The following KIRREL3 variants were observed in gnomAD, a reference collection of about 807,000 sequenced individuals.
KIRREL3 encodes kirre like nephrin family adhesion molecule 3.
Under a neutral mutation model 89.7 loss-of-function variants are expected in KIRREL3, and 36 were observed. The ratio of observed to expected loss-of-function variants is 0.40; its 90% CI spans 0.31 to 0.53. KIRREL3 has a LOEUF of 0.53. Among genes scored for constraint, KIRREL3 ranks in the 20% least tolerant of loss-of-function variants. The pLI is 0.49. For missense variants in KIRREL3, 864 were observed against 1,056.6 expected (o/e 0.82, Z 2.53); for synonymous variants, 445 against 441.4 (o/e 1.01, Z -0.10).
intron 1 of KIRREL3, among the ~76,000 whole-genome samples, chr11:126,841,974 T>A (rs970836328): frequency 6.6e-6 from 1 of 152,202 alleles, no homozygotes; most frequent in Admixed American, 6.5e-5. Flanking sequence ...CCCGTTTTTT[T>A]CTCCAGCTCT....
intron 1 of KIRREL3, among the ~76,000 whole-genome samples, chr11:126,720,330 C>G (rs777115978): frequency 2.0e-5 from 3 of 152,192 alleles, no homozygotes; most frequent in Non-Finnish European, 2.9e-5. Context: ...CCCACCAGCC[C>G]TCACGGCAGT....
chr11:126,642,158 T>C lies in KIRREL3; in HGVS notation c.56-79246A>G, dbSNP rs2134933989. 6.6e-6 allele frequency among the ~76,000 whole-genome samples: 1 copy of C among 152,304 alleles called. No homozygotes were observed. The highest frequency in any genetic ancestry group is 6.5e-5 in the Admixed American group (1 of 15,298). ...ATGGGAGGGGAGGGACCTCCAACAA[T>C]CTTGTTAGTGCATCAAGTAATAGAT... On this transcript the variant is annotated intron_variant, in intron 1 of 16. Transcript: ENST00000525144. The surrounding 1 kb of genome is among the most constrained non-coding windows in gnomAD (Gnocchi z 4.9).
At chr11:126,582,119 G>A (rs974965094) in intron 1 of KIRREL3, among the ~76,000 whole-genome samples, 3 of 152,184 alleles carry the variant, frequency 2.0e-5, no homozygotes, top group Admixed American at 1.3e-4. Context: ...GGTTTTGCCT[G>A]TGTGATTCCT....
At chr11:126,545,196 A>G (rs1209935018) in intron 2 of KIRREL3, among the ~76,000 whole-genome samples, 1 of 152,200 alleles carries the variant, frequency 6.6e-6, no homozygotes, top group Non-Finnish European at 1.5e-5. Context: ...TCTCGGGAGA[A>G]GGAATGAGCC....
rs1565650395 is a variant in KIRREL3, at chr11:126,687,262, T to C, written c.56-124350A>G. ...CACCTGGCTTTCTTGCCTAAGCAAA[T>C]TCAGAGTCACCCTAACTTGGGTCAT... is the stretch of plus-strand genomic sequence containing the variant. On this transcript the variant is annotated intron_variant, in intron 1 of 16. Coordinates refer to ENST00000525144, the MANE Select transcript of KIRREL3 (RefSeq NM_032531.4). The surrounding 1 kb of genome is among the most constrained non-coding windows in gnomAD (Gnocchi z 4.6). Among the ~76,000 whole-genome samples, 2 of 152,304 alleles carry C rather than the reference T, an allele frequency of 1.3e-5. No individual in the cohort carries two copies. Among genetic ancestry groups the C allele is most frequent in the East Asian group, 3.9e-4 (2 of 5,190 alleles).
At position 126,527,767 on chromosome 11, in the gene KIRREL3, T is replaced by G. The variant is rs7119175; in HGVS notation, c.134-1080A>C. Among the ~76,000 whole-genome samples, 4,055 of 152,136 alleles carry G rather than the reference T, an allele frequency of 0.027. 181 individuals carry two copies. Among genetic ancestry groups the G allele is most frequent in the African/African-American group, 0.09 (3,735 of 41,466 alleles). The stretch of plus-strand genomic sequence containing the variant: ...GTCTAGTGGGAGTTGGGGTGGGTGG[T>G]GCGGTGAATCCAAGTCTTTCTGGCT... On this transcript the variant is annotated intron_variant, in intron 2 of 16. Transcript: ENST00000525144. This position sits in a 1 kb window ranked among gnomAD's most constrained non-coding sequence, Gnocchi z 4.2.
At chr11:126,866,018 A>T (rs917437098) in intron 1 of KIRREL3, among the ~76,000 whole-genome samples, 1 of 152,210 alleles carries the variant, frequency 6.6e-6, no homozygotes, top group Admixed American at 6.5e-5. Context: ...TACACAGGGA[A>T]GGGATTGTTC....
In KIRREL3 at chr11:126,539,156, A is replaced by G. The variant is rs573077082; in HGVS notation, c.134-12469T>C. ...TTTCCCCATTGGTTTAGCAATCAAT[A>G]CTTGTTGAGTTGTTTGTGAGAATGA... On this transcript the variant is annotated intron_variant, in intron 2 of 16. Transcript: ENST00000525144. Among the ~76,000 whole-genome samples, 13 of 152,290 alleles carry G rather than the reference A, an allele frequency of 8.5e-5. No individual in the cohort carries two copies. In the South Asian group the frequency reaches 2.5e-3, roughly 29 times the overall value.
At chr11:126,799,454 C>G (rs61897934) in intron 1 of KIRREL3, among the ~76,000 whole-genome samples, 248 of 1,544 alleles carry the variant, frequency 0.16, 12 homozygotes, top group African/African-American at 0.2. Flanking sequence ...GCATGCATCT[C>G]TGTGTGCATG....
intron 4 of KIRREL3, among the ~76,000 whole-genome samples, chr11:126,481,393 T>A (rs1365638431): frequency 1.3e-5 from 2 of 152,332 alleles, no homozygotes; most frequent in East Asian, 3.9e-4. Flanking sequence ...CTCACATCTT[T>A]AAGCTGACGA....
chr11:126,451,132 CAT>C (rs1390950262), intron 7 of KIRREL3, among the ~76,000 whole-genome samples: 2 of 111,986 alleles, frequency 1.8e-5, no homozygotes, highest in African/African-American at 3.5e-5. Context: ...TGTGCATGTG[CAT>C]GTGTGTGCAT....
intron 11 of KIRREL3, among the ~76,000 whole-genome samples, chr11:126,438,352 G>A (rs1037010122): frequency 3.9e-5 from 6 of 152,338 alleles, no homozygotes; most frequent in African/African-American, 7.2e-5. Context: ...TAAGCGCCTC[G>A]TATATCCTGG....
rs374447365 is a variant in KIRREL3 at position 126,747,052 on chromosome 11, T to A, written c.56-184140A>T. ...CTTCTGCCATCTTGGCTTAAAAACC[T>A]CCAGTGGTTCTGAACATCTTCACAA... On this transcript the variant is annotated intron_variant, in intron 1 of 16. Coordinates refer to ENST00000525144, the MANE Select transcript of KIRREL3 (RefSeq NM_032531.4). The surrounding 1 kb of genome is among the most constrained non-coding windows in gnomAD (Gnocchi z 4.7). 1.1e-4 allele frequency among the ~76,000 whole-genome samples: 17 copies of A among 152,366 alleles called. No individual in the cohort carries two copies. The highest frequency in any genetic ancestry group is 3.9e-4 in the East Asian group (2 of 5,184).
At chr11:126,821,981 G>A (rs1943242298) in intron 1 of KIRREL3, among the ~76,000 whole-genome samples, 1 of 152,194 alleles carries the variant, frequency 6.6e-6, no homozygotes, top group African/African-American at 2.4e-5. Context: ...CCGACCTCCA[G>A]AACTGTGAAG....
chr11:126,443,559 TG>T lies in KIRREL3; in HGVS notation c.1252+1419del, dbSNP rs1955670097. Among the ~76,000 whole-genome samples, 1 of 138,112 alleles carries T rather than the reference TG, an allele frequency of 7.2e-6. No homozygotes were observed. Among genetic ancestry groups the T allele is most frequent in the South Asian group, 2.7e-4 (1 of 3,758 alleles). 90.6% of individuals were successfully genotyped at this position (138,112 alleles called of 152,430 possible). A position where few individuals can be genotyped will look rare whatever the true frequency, so the allele number is the denominator to read the frequency against. ...GGGTCTGGGTAGACTCAGCCTCCCT[TG>T]GGGGCTGCCACGACTCTGGGGTGGG... On this transcript the variant is annotated intron_variant, in intron 10 of 16. Coordinates refer to ENST00000525144, the MANE Select transcript of KIRREL3 (RefSeq NM_032531.4). The surrounding 1 kb of genome is among the most constrained non-coding windows in gnomAD (Gnocchi z 7.3).
At chr11:126,573,626 G>A (rs1941093232) in intron 1 of KIRREL3, among the ~76,000 whole-genome samples, 1 of 152,178 alleles carries the variant, frequency 6.6e-6, no homozygotes. Context: ...AATTGAATCT[G>A]CCAGTTACCT....
At chr11:126,854,696 A>T (rs1373520651) in intron 1 of KIRREL3, among the ~76,000 whole-genome samples, 6 of 152,226 alleles carry the variant, frequency 3.9e-5, no homozygotes, top group Admixed American at 3.3e-4. Context: ...ATGTACGAAC[A>T]TCTGTTTCAA....
At position 126,669,264 on chromosome 11, in the gene KIRREL3, T is replaced by A. The variant is rs1945828062; in HGVS notation, c.56-106352A>T. Among the ~76,000 whole-genome samples, 1 of 152,188 alleles carries A rather than the reference T, an allele frequency of 6.6e-6. No individual in the cohort carries two copies. The highest frequency in any genetic ancestry group is 2.4e-5 in the African/African-American group (1 of 41,434). On this transcript the variant is annotated intron_variant, in intron 1 of 16. Transcript: ENST00000525144. This position sits in a 1 kb window ranked among gnomAD's most constrained non-coding sequence, Gnocchi z 5.0. The stretch of plus-strand genomic sequence containing the variant: ...GATGAAAATAAAAGGGGTCTCTAGA[T>A]CTGGGATCCTGGCACTGAGTGAAGT...
intron 4 of KIRREL3, among the ~76,000 whole-genome samples, chr11:126,518,039 C>G (rs979140298): frequency 6.6e-6 from 1 of 152,216 alleles, no homozygotes; most frequent in African/African-American, 2.4e-5. Context: ...TTGACCTGAC[C>G]TAAAATCCCC....
Sources: gnomAD v4.1 joint callset for allele counts (sites outside exome capture counted in the v4.1 genomes callset) on GRCh38, gnomAD v4.1.1 for gene constraint, Gnocchi (gnomAD v3.1) non-coding constraint, MANE v1.5 for transcripts, NCBI Gene and HGNC (gene_info 2026-07-23, HGNC 2026-07-21) for gene names.